CKAP5: variants seen among roughly 807,000 people sequenced by gnomAD.
CKAP5 encodes the protein cytoskeleton-associated protein 5.
A neutral mutation model predicts 232.8 loss-of-function variants in CKAP5; 27 were observed. That is an observed-to-expected ratio of 0.12 (90% confidence interval 0.09 to 0.16). The LOEUF (loss-of-function observed/expected upper bound fraction) is 0.16. Among genes scored for constraint, CKAP5 ranks in the 10% least tolerant of loss-of-function variants. The pLI is 1.00. For missense variants in CKAP5, 1,838 were observed against 2,424.7 expected, an observed-to-expected ratio of 0.76 and a Z score of 5.08; for synonymous variants, 785 against 841.1, an observed-to-expected ratio of 0.93 and a Z score of 1.16.
rs769606800 is a variant in CKAP5 at position 46,788,750 on chromosome 11, A to C, written c.1899T>G (p.Thr633=). Residue 633 remains threonine (T), a synonymous_variant, in exon 16 of 44, where the codon ACT becomes ACG. Transcript: ENST00000529230. Reference sequence around the variant, plus strand: ...TCACTAATGCCTGGCATGGCATTTCAGTTCGGTCCATTAGCTCAACAGCCT... The same window carrying C: ...TCACTAATGCCTGGCATGGCATTTCCGTTCGGTCCATTAGCTCAACAGCCT... The part of the protein sequence containing the change: ...FQKAVELMDR[T]EMPCQALVRM... 1.6e-5 allele frequency: 26 copies of C among 1,608,120 alleles called. No individual in the cohort carries two copies. Among genetic ancestry groups the C allele is most frequent in the Non-Finnish European group, 2.2e-5 (26 of 1,177,894 alleles).
chr11:46,750,625 A>G lies in CKAP5; in HGVS notation c.5461-14T>C. The G allele has an allele frequency of 6.3e-7, 1 of 1,595,428 alleles. No homozygotes were observed. The highest frequency in any genetic ancestry group is 2.2e-5 in the East Asian group (1 of 44,736). ...TGATTTTTCATCCTGAAAAGTTGAA[A>G]GACATAGGAAGAATTGGTTAGACTT... On this transcript the variant is annotated splice_polypyrimidine_tract_variant and intron_variant, in intron 40 of 43. Coordinates refer to ENST00000529230, the MANE Select transcript of CKAP5 (RefSeq NM_001008938.4).
chr11:46,768,960 C>T (rs1017137137), intron 26 of CKAP5, among the ~76,000 whole-genome samples: 2 of 151,902 alleles, frequency 1.3e-5, no homozygotes, highest in Admixed American at 1.3e-4. Context: ...TGCTCTGTCC[C>T]CCAGGCTGGA....
At chr11:46,800,943 CAAAT>C (rs1288733191) in intron 9 of CKAP5, among the ~76,000 whole-genome samples, 1 of 150,866 alleles carries the variant, frequency 6.6e-6, no homozygotes, top group Admixed American at 6.7e-5. Flanking sequence ...AAGTAATAAG[CAAAT>C]AAATAAACTC....
intron 40 of CKAP5, 37 bp from the exon 41 acceptor site, chr11:46,750,648 C>T: frequency 6.6e-7 from 1 of 1,519,994 alleles, no homozygotes; most frequent in South Asian, 1.1e-5. Flanking sequence ...ATTGGTTAGA[C>T]TTGAGTTATT....
intron 16 of CKAP5, among the ~76,000 whole-genome samples, chr11:46,785,729 G>T (rs1364516106): frequency 6.6e-6 from 1 of 152,210 alleles, no homozygotes; most frequent in Non-Finnish European, 1.5e-5. Flanking sequence ...GGGAATGCTT[G>T]AGCCCAGGAG....
chr11:46,798,348 G>A (rs1004751389), intron 9 of CKAP5, among the ~76,000 whole-genome samples, 176 bp from the exon 10 acceptor site: 2 of 152,174 alleles, frequency 1.3e-5, no homozygotes, highest in Non-Finnish European at 2.9e-5. Flanking sequence ...GCTGAGGCAG[G>A]TGGGTTGCTT....
At position 46,809,767 on chromosome 11, in the gene CKAP5, C is replaced by T; in HGVS notation, c.738G>A (p.Gln246=). Residue 246 remains glutamine, a synonymous_variant, in exon 6 of 44, where the codon CAG becomes CAA. Transcript: ENST00000529230. ...CTCCTTCAGCATCTCCACCAGCAGACTGTTGTTGTTCCAATTTAGCTTCTA... is the reference window on the plus strand; with the variant it reads ...CTCCTTCAGCATCTCCACCAGCAGATTGTTGTTGTTCCAATTTAGCTTCTA... ...QELEAKLEQQ[Q]SAGGDAEGGG... is the part of the protein sequence containing the mutation. The T allele has an allele frequency of 6.2e-7, 1 of 1,614,122 alleles. No individual in the cohort carries two copies.
At chr11:46,752,187 TATATATACACAC>T (rs1319124370) in intron 38 of CKAP5, among the ~76,000 whole-genome samples, 6 of 67,918 alleles carry the variant, frequency 8.8e-5, no homozygotes, top group African/African-American at 2.7e-4. Context: ...TATATATATA[TATATATACACAC>T]ACACACACAC....
chr11:46,776,421 T>C (rs1243888270), intron 23 of CKAP5, 38 bp from the exon 24 acceptor site: 2 of 1,576,726 alleles, frequency 1.3e-6, no homozygotes, highest in South Asian at 1.2e-5. Flanking sequence ...TAATATCTAC[T>C]ACAGTTTGGA....
chr11:46,759,212 C>A, intron 34 of CKAP5, 57 bp downstream of exon 34: 2 of 1,551,608 alleles, frequency 1.3e-6, no homozygotes, highest in Non-Finnish European at 8.8e-7. Flanking sequence ...GCACATTTCA[C>A]GTAGGCCGTC....
intron 42 of CKAP5, among the ~76,000 whole-genome samples, chr11:46,749,396 A>G (rs2065045668): frequency 6.9e-6 from 1 of 145,274 alleles, no homozygotes; most frequent in Admixed American, 7.1e-5. Flanking sequence ...CGGAGGTTGC[A>G]GTGAGCTGAG....
intron 2 of CKAP5, chr11:46,820,506 T>A (rs1939501370): frequency 6.6e-6 from 1 of 152,092 alleles, no homozygotes; most frequent in Admixed American, 6.5e-5. Flanking sequence ...TTAAAAGAAC[T>A]GTCAAGAACA....
chr11:46,759,224 G>T, intron 34 of CKAP5, 45 bp downstream of exon 34: 1 of 1,571,376 alleles, frequency 6.4e-7, no homozygotes, highest in South Asian at 1.2e-5. Flanking sequence ...TAGGCCGTCT[G>T]ATCATCATGA....
chr11:46,750,747 T>A, intron 40 of CKAP5, 136 bp from the exon 41 acceptor site: 1 of 676,918 alleles, frequency 1.5e-6, no homozygotes, highest in East Asian at 2.7e-5. Flanking sequence ...GATGCACCGA[T>A]GATGCAGGTC....
chr11:46,746,675 G>A (rs2065024692), intron 42 of CKAP5, among the ~76,000 whole-genome samples: 1 of 152,228 alleles, frequency 6.6e-6, no homozygotes, highest in Admixed American at 6.5e-5. Flanking sequence ...GGAGCTTGCA[G>A]GACTGGAAGT....
chr11:46,791,191 A>T (rs902266670), intron 13 of CKAP5, among the ~76,000 whole-genome samples: 1 of 152,112 alleles, frequency 6.6e-6, no homozygotes. Context: ...CTACATTTAC[A>T]AATTAATTTG....
intron 23 of CKAP5, 119 bp downstream of exon 23, chr11:46,777,320 T>G: frequency 1.7e-6 from 1 of 598,082 alleles, no homozygotes; most frequent in Non-Finnish European, 3.0e-6. Context: ...CTTCTAATAT[T>G]TTCATCTTTA....
Position 46,777,484 on chromosome 11 carries a change from T to C in CKAP5, c.2817A>G (p.Val939=). 1.2e-6 allele frequency: 2 copies of C among 1,613,982 alleles called. No individual in the cohort carries two copies. Among genetic ancestry groups the C allele is most frequent in the Non-Finnish European group, 1.7e-6 (2 of 1,179,852 alleles). Residue 939 remains valine (V), a synonymous_variant, in exon 23 of 44, where the codon GTA becomes GTG. Transcript: ENST00000529230. ...TGATGATAGGGATGCCTAAATTTTT[T>C]ACATGTTGCTTAATATTTGGGCCCA... ...VAMGPNIKQH[V]KNLGIPIITV... is the part of the protein sequence containing the mutation.
At chr11:46,842,077 A>G (rs1940067895) in intron 1 of CKAP5, among the ~76,000 whole-genome samples, 1 of 152,228 alleles carries the variant, frequency 6.6e-6, no homozygotes, top group South Asian at 2.1e-4. Context: ...AAATTAAAAG[A>G]AAGTGGTGGG....
Sources: allele counts gnomAD v4.1 joint callset (sites outside exome capture counted in the v4.1 genomes callset), GRCh38; gene constraint gnomAD v4.1.1; transcripts MANE v1.5; gene names NCBI Gene and HGNC (gene_info 2026-07-23, HGNC 2026-07-21).